Variants in MSI2 observed in about 807,000 individuals in gnomAD.
MSI2 encodes RNA-binding protein Musashi homolog 2.
In MSI2, 17 loss-of-function variants were observed where a neutral mutation model predicts 45.6. The observed-to-expected ratio is 0.37, with a 90% confidence interval of 0.26 to 0.56. The LOEUF (loss-of-function observed/expected upper bound fraction) is 0.56. Among genes scored for constraint, MSI2 ranks in the 20% least tolerant of loss-of-function variants. MSI2 has a pLI of 0.77. For synonymous variants in MSI2, 156 were observed against 158.2 expected, an observed-to-expected ratio of 0.99 and a Z score of 0.11; for missense variants, 293 against 444.2, an observed-to-expected ratio of 0.66 and a Z score of 3.06.
chr17:57,487,926 C>T (rs952149866), intron 6 of MSI2, among the ~76,000 whole-genome samples: 8 of 151,846 alleles, frequency 5.3e-5, no homozygotes, highest in South Asian at 2.1e-4. Flanking sequence ...GCACACAGCC[C>T]GGTGCTTTAT....
intron 5 of MSI2, among the ~76,000 whole-genome samples, chr17:57,311,416 T>A (rs1912391169): frequency 6.6e-6 from 1 of 152,142 alleles, no homozygotes; most frequent in Admixed American, 6.5e-5. Context: ...CTACATGCGG[T>A]AAAACACTCC....
intron 6 of MSI2, among the ~76,000 whole-genome samples, chr17:57,411,138 A>T (rs1283531285): frequency 6.6e-6 from 1 of 151,964 alleles, no homozygotes; most frequent in Non-Finnish European, 1.5e-5. Flanking sequence ...CCAAGTAGCT[A>T]GGACTACAGG....
intron 5 of MSI2, among the ~76,000 whole-genome samples, chr17:57,298,315 G>A (rs551041811): frequency 4.6e-5 from 7 of 152,206 alleles, no homozygotes; most frequent in Non-Finnish European, 1.0e-4. Context: ...GACCAGGTAT[G>A]TTGTCAGTGA....
At chr17:57,496,535 T>A (rs2143836908) in intron 6 of MSI2, among the ~76,000 whole-genome samples, 1 of 152,346 alleles carries the variant, frequency 6.6e-6, no homozygotes, top group Admixed American at 6.5e-5. Flanking sequence ...GCTAATGTGC[T>A]CTGTCAGCCA....
chr17:57,293,595 G>GTTTTTTT (rs71139983), intron 5 of MSI2, among the ~76,000 whole-genome samples: 3 of 134,716 alleles, frequency 2.2e-5, no homozygotes, highest in Non-Finnish European at 3.1e-5. Context: ...TTGTTTTTTT[G>GTTTTTTT]TTTTTTTTTT....
At chr17:57,582,874 T>C (rs2088241457) in intron 7 of MSI2, among the ~76,000 whole-genome samples, 1 of 152,212 alleles carries the variant, frequency 6.6e-6, no homozygotes, top group African/African-American at 2.4e-5. Flanking sequence ...TCTGCAGATA[T>C]GAGAGCTTTT....
intron 5 of MSI2, among the ~76,000 whole-genome samples, chr17:57,292,229 C>T (rs1409753445): frequency 1.3e-5 from 2 of 152,124 alleles, no homozygotes; most frequent in Non-Finnish European, 2.9e-5. Flanking sequence ...AGGAAAAGTT[C>T]TGCATTCCGC....
chr17:57,553,535 C>T (rs1186108263), intron 7 of MSI2, among the ~76,000 whole-genome samples: 1 of 152,198 alleles, frequency 6.6e-6, no homozygotes, highest in Non-Finnish European at 1.5e-5. Flanking sequence ...AAAAACCTTC[C>T]AAGACAGGCT....
At chr17:57,675,216 G>C in intron 12 of MSI2, 90 bp downstream of exon 12, 1 of 1,322,360 alleles carries the variant, frequency 7.6e-7, no homozygotes, top group Non-Finnish European at 1.1e-6. Context: ...CCCAACATCG[G>C]GGGCAGAGGA....
At position 57,652,975 on chromosome 17, in the gene MSI2, C is replaced by T. The variant is rs1437173184; in HGVS notation, c.790+814C>T. Among the ~76,000 whole-genome samples the T allele has an allele frequency of 6.6e-6, 1 of 152,196 alleles. No individual in the cohort carries two copies. ...TCTGCTGTGCCCTGGGCTCCCTCCC[C>T]ACCCCTGCTCCCTGAACTGAGTGGT... On this transcript the variant is annotated intron_variant, in intron 11 of 13. Transcript: ENST00000284073. This position sits in a 1 kb window ranked among gnomAD's most constrained non-coding sequence, Gnocchi z 4.1.
chr17:57,440,233 C>T (rs1341190854), intron 6 of MSI2, among the ~76,000 whole-genome samples: 1 of 152,124 alleles, frequency 6.6e-6, no homozygotes, highest in Non-Finnish European at 1.5e-5. Flanking sequence ...AACTGGGTGG[C>T]CAGCTGGGTC....
At chr17:57,380,358 T>C (rs1382223400) in intron 5 of MSI2, among the ~76,000 whole-genome samples, 1 of 152,172 alleles carries the variant, frequency 6.6e-6, no homozygotes. Flanking sequence ...CCGTGGAAGG[T>C]AGGCCTGCTG....
intron 5 of MSI2, among the ~76,000 whole-genome samples, chr17:57,373,084 T>C (rs936107265): frequency 6.6e-6 from 1 of 152,020 alleles, no homozygotes; most frequent in African/African-American, 2.4e-5. Flanking sequence ...GAGACATATC[T>C]GTCTCTGCCA....
At chr17:57,454,037 G>T (rs932455332) in intron 6 of MSI2, among the ~76,000 whole-genome samples, 1 of 152,368 alleles carries the variant, frequency 6.6e-6, no homozygotes, top group South Asian at 2.1e-4. Flanking sequence ...CGCCAAGGCT[G>T]ATACCTGGCA....
intron 9 of MSI2, among the ~76,000 whole-genome samples, chr17:57,617,359 T>C (rs573643053): frequency 3.1e-4 from 47 of 152,224 alleles, no homozygotes; most frequent in Non-Finnish European, 5.9e-4. Flanking sequence ...GAAAATGTTT[T>C]TAAAAAGAGG....
intron 5 of MSI2, among the ~76,000 whole-genome samples, chr17:57,393,212 T>C (rs2083827276): frequency 1.3e-5 from 2 of 152,206 alleles, no homozygotes; most frequent in Admixed American, 6.5e-5. Context: ...AGTGCTGTCA[T>C]GGTGCTCAAG....
intron 7 of MSI2, among the ~76,000 whole-genome samples, chr17:57,574,120 C>T (rs1481877571): frequency 6.6e-6 from 1 of 152,136 alleles, no homozygotes; most frequent in Non-Finnish European, 1.5e-5. Context: ...ACTCCAGCCC[C>T]TGCACATCTG....
At chr17:57,461,333 A>G (rs1195706836) in intron 6 of MSI2, among the ~76,000 whole-genome samples, 1 of 152,136 alleles carries the variant, frequency 6.6e-6, no homozygotes, top group African/African-American at 2.4e-5. Flanking sequence ...TCACAGGTTC[A>G]ATGACTCATT....
rs1011734576 is a variant in MSI2, at chr17:57,682,047, T to A, written c.*2530T>A. ...TCCTGGTACTAGTGTAGCGACTTTT[T>A]TTCTCCTCTTTCTTCTAGTACATAT... On this transcript the variant is annotated 3_prime_UTR_variant, in exon 14 of 14. Coordinates refer to ENST00000284073, the MANE Select transcript of MSI2 (RefSeq NM_138962.4). 1 of 205,960 alleles carries A rather than the reference T, an allele frequency of 4.9e-6. No individual in the cohort carries two copies. Among genetic ancestry groups the A allele is most frequent in the South Asian group, 1.9e-4 (1 of 5,302 alleles). 12.8% of individuals were successfully genotyped at this position (205,960 alleles called of 1,614,324 possible).
Sources: allele counts gnomAD v4.1 joint callset (sites outside exome capture counted in the v4.1 genomes callset), GRCh38; gene constraint gnomAD v4.1.1; non-coding constraint Gnocchi (gnomAD v3.1); transcripts MANE v1.5; gene names NCBI Gene and HGNC (gene_info 2026-07-23, HGNC 2026-07-21).